CTNND2: variants seen among roughly 807,000 people sequenced by gnomAD.
CTNND2 encodes catenin delta-2.
In CTNND2, 22 loss-of-function variants were observed where a neutral mutation model predicts 144.4. The ratio of observed to expected loss-of-function variants is 0.15; its 90% CI spans 0.11 to 0.22. The LOEUF is 0.22. Among genes scored for constraint, CTNND2 ranks in the 10% least tolerant of loss-of-function variants. The pLI is 1.00. For missense variants in CTNND2, 1,353 were observed against 1,618.8 expected (o/e 0.84, Z 2.82); for synonymous variants, 751 against 695.6 (o/e 1.08, Z -1.25).
chr5:11,776,484 C>T (rs965860530), intron 1 of CTNND2, among the ~76,000 whole-genome samples: 13 of 152,064 alleles, frequency 8.5e-5, no homozygotes, highest in South Asian at 2.1e-4. Flanking sequence ...TCTACAAGAC[C>T]GTAAACAGCT....
intron 3 of CTNND2, among the ~76,000 whole-genome samples, chr5:11,526,010 T>A: frequency 6.6e-6 from 1 of 152,170 alleles, no homozygotes; most frequent in East Asian, 1.9e-4. Context: ...GTTCAAGGAT[T>A]CTCCTGCCTC....
intron 14 of CTNND2, among the ~76,000 whole-genome samples, chr5:11,104,205 T>TTTTC (rs1752190289): frequency 1.3e-5 from 2 of 152,200 alleles, no homozygotes; most frequent in Admixed American, 1.3e-4. Context: ...TTTTTTAAGA[T>TTTTC]ATTTCAGTGA....
intron 3 of CTNND2, among the ~76,000 whole-genome samples, chr5:11,479,647 C>G (rs539054267): frequency 6.6e-6 from 1 of 152,260 alleles, no homozygotes; most frequent in South Asian, 2.1e-4. Flanking sequence ...TTCTATGAAA[C>G]CTGACCAGCA....
chr5:11,178,781 T>G (rs1008834583), intron 11 of CTNND2, among the ~76,000 whole-genome samples: 25 of 152,212 alleles, frequency 1.6e-4, no homozygotes, highest in African/African-American at 5.5e-4. Flanking sequence ...TCATTTTAAG[T>G]TGGCAAAGAA....
intron 1 of CTNND2, among the ~76,000 whole-genome samples, chr5:11,866,706 T>C (rs1795785329): frequency 6.6e-6 from 1 of 152,226 alleles, no homozygotes; most frequent in South Asian, 2.1e-4. Flanking sequence ...TTTGCCACAA[T>C]GTAATCACCT....
chr5:11,595,036 C>T (rs10073123), intron 2 of CTNND2, among the ~76,000 whole-genome samples: 55,572 of 152,030 alleles, frequency 0.37, 10,856 homozygotes, highest in Middle Eastern at 0.59. Flanking sequence ...CAAATTACTG[C>T]GTCTGCCTTC....
intron 15 of CTNND2, among the ~76,000 whole-genome samples, chr5:11,089,185 A>C (rs1375181842): frequency 2.0e-5 from 3 of 152,212 alleles, no homozygotes; most frequent in Admixed American, 2.0e-4. Flanking sequence ...CTGTGACATC[A>C]GGAGAAAATA....
chr5:11,537,751 C>T (rs544872854), intron 3 of CTNND2, among the ~76,000 whole-genome samples: 40 of 152,230 alleles, frequency 2.6e-4, no homozygotes, highest in African/African-American at 9.6e-4. Flanking sequence ...AGTATAGTAC[C>T]AGCTTTAGTA....
At position 11,102,026 on chromosome 5, in the gene CTNND2, T is replaced by G. The variant is rs966387690; in HGVS notation, c.2464-3278A>C. On this transcript the variant is annotated intron_variant, in intron 14 of 21. Transcript: ENST00000304623. ...AGGCATTTGTGGTTTTAAAAAAGCT[T>G]TTTTGCTGGGTTTCATCTTGTTCCA... is the stretch of plus-strand genomic sequence containing the variant. Among the ~76,000 whole-genome samples the G allele has an allele frequency of 2.6e-5, 4 of 151,980 alleles. No homozygotes were observed. In the East Asian group the frequency reaches 7.7e-4, roughly 29 times the overall value.
At chr5:11,451,457 C>T (rs1321210245) in intron 3 of CTNND2, among the ~76,000 whole-genome samples, 6 of 152,116 alleles carry the variant, frequency 3.9e-5, no homozygotes, top group Admixed American at 3.9e-4. Context: ...ATCAAGCATC[C>T]TCATCCAAAA....
chr5:11,672,219 C>T (rs1479319642), intron 2 of CTNND2, among the ~76,000 whole-genome samples: 2 of 152,188 alleles, frequency 1.3e-5, no homozygotes, highest in Non-Finnish European at 1.5e-5. Context: ...TATCTGTTGG[C>T]CCCTACTGGG....
At chr5:11,884,335 TC>T (rs1192843969) in intron 1 of CTNND2, among the ~76,000 whole-genome samples, 1 of 152,208 alleles carries the variant, frequency 6.6e-6, no homozygotes, top group Non-Finnish European at 1.5e-5. Flanking sequence ...CTTTAATCCA[TC>T]TTGAGTTAAT....
chr5:11,355,011 A>T (rs1755711635), intron 8 of CTNND2, among the ~76,000 whole-genome samples: 1 of 152,308 alleles, frequency 6.6e-6, no homozygotes, highest in East Asian at 1.9e-4. Flanking sequence ...AATTTAATGA[A>T]ATTAAACGGC....
chr5:11,418,652 C>A (rs1373773962), intron 3 of CTNND2, among the ~76,000 whole-genome samples: 1 of 152,286 alleles, frequency 6.6e-6, no homozygotes, highest in Admixed American at 6.5e-5. Flanking sequence ...ATGAAGCCTG[C>A]AGTGGCAGAC....
At chr5:11,441,695 C>T (rs1001767789) in intron 3 of CTNND2, among the ~76,000 whole-genome samples, 9 of 145,848 alleles carry the variant, frequency 6.2e-5, no homozygotes, top group East Asian at 2.1e-4. Flanking sequence ...CCACTTGGCC[C>T]GGTCTATCCA....
rs377437309 is a variant in CTNND2 at position 11,747,148 on chromosome 5, C to T, written c.38-14876G>A. ...ACACATTTCTTGCATCAACAACCAT[C>T]CTAGTTCCCCCAGACAACACAAATA... On this transcript the variant is annotated intron_variant, in intron 1 of 21. Transcript: ENST00000304623. Among the ~76,000 whole-genome samples the T allele has an allele frequency of 3.3e-5, 5 of 152,234 alleles. No homozygotes were observed. The East Asian group carries it at 5.8e-4, about 18-fold the overall frequency.
At chr5:11,287,861 G>T in intron 9 of CTNND2, among the ~76,000 whole-genome samples, 1 of 152,096 alleles carries the variant, frequency 6.6e-6, no homozygotes, top group Non-Finnish European at 1.5e-5. Flanking sequence ...ACACAAAAAT[G>T]CTACACCAAA....
chr5:11,489,495 A>G (rs909622543), intron 3 of CTNND2, among the ~76,000 whole-genome samples: 1 of 152,180 alleles, frequency 6.6e-6, no homozygotes, highest in Non-Finnish European at 1.5e-5. Flanking sequence ...TTCCTTTCAA[A>G]AATTCAATAA....
intron 3 of CTNND2, among the ~76,000 whole-genome samples, chr5:11,548,316 C>T (rs912656649): frequency 6.6e-6 from 1 of 152,170 alleles, no homozygotes; most frequent in Non-Finnish European, 1.5e-5. Context: ...CTAGAAGACT[C>T]TCCAACAATT....
Sources: allele counts gnomAD v4.1 joint callset (sites outside exome capture counted in the v4.1 genomes callset), GRCh38; gene constraint gnomAD v4.1.1; transcripts MANE v1.5; gene names NCBI Gene and HGNC (gene_info 2026-07-23, HGNC 2026-07-21).